MAML2: variants seen among roughly 807,000 people sequenced by gnomAD.
MAML2 encodes the protein mastermind like transcriptional coactivator 2.
In MAML2, 22 loss-of-function variants were observed where a neutral mutation model predicts 96.1. The observed-to-expected ratio is 0.23, with a 90% CI of 0.16 to 0.33. The LOEUF (loss-of-function observed/expected upper bound fraction) is 0.33, where lower values mean the gene tolerates loss of function less well. MAML2 is among the 10% of genes least tolerant of loss of function. The pLI, the probability that MAML2 is intolerant of heterozygous loss-of-function variation, is 1.00. For synonymous variants in MAML2, 561 were observed against 521.3 expected, an observed-to-expected ratio of 1.08 and a Z score of -1.04; for missense variants, 1,367 against 1,392.4, an observed-to-expected ratio of 0.98 and a Z score of 0.29.
chr11:96,334,297 CT>C (rs1863889844), intron 1 of MAML2, among the ~76,000 whole-genome samples: 1 of 152,200 alleles, frequency 6.6e-6, no homozygotes, highest in African/African-American at 2.4e-5. Context: ...ACTTCACACA[CT>C]AATAATAACA....
At chr11:96,014,338 G>T (rs1230795335) in intron 2 of MAML2, among the ~76,000 whole-genome samples, 1 of 152,056 alleles carries the variant, frequency 6.6e-6, no homozygotes, top group Non-Finnish European at 1.5e-5. Flanking sequence ...CTCTCCACAG[G>T]GATCCTTGCG....
chr11:96,147,820 C>T (rs1939472), intron 1 of MAML2, among the ~76,000 whole-genome samples: 15,756 of 152,120 alleles, frequency 0.1, 920 homozygotes, highest in East Asian at 0.18. Context: ...GGGTATTGTT[C>T]GGAGCAAAGT....
At chr11:96,306,346 T>A (rs1863461592) in intron 1 of MAML2, among the ~76,000 whole-genome samples, 2 of 152,174 alleles carry the variant, frequency 1.3e-5, no homozygotes, top group South Asian at 2.1e-4. Context: ...CTAGGCAATG[T>A]CTACACAGCA....
chr11:96,101,417 G>A (rs1241095403), intron 1 of MAML2, among the ~76,000 whole-genome samples: 1 of 152,178 alleles, frequency 6.6e-6, no homozygotes, highest in Non-Finnish European at 1.5e-5. Context: ...AAAGGGAAGG[G>A]AACCAGTACA....
At position 95,979,594 on chromosome 11, in the gene MAML2, T is replaced by C. The variant is rs761744557; in HGVS notation, c.2825A>G (p.His942Arg). The C allele has an allele frequency of 1.9e-6, 3 of 1,613,842 alleles. No homozygotes were observed. Among genetic ancestry groups the C allele is most frequent in the East Asian group, 2.2e-5 (1 of 44,894 alleles). ...NSQQLRPNLT[H>R]SMASMPPQRT... ...CTGTGGTGGCATGCTTGCCATACTATGGGTTAAATTTGGTCTCAATTGTTG... is the reference window on the plus strand; with the variant it reads ...CTGTGGTGGCATGCTTGCCATACTACGGGTTAAATTTGGTCTCAATTGTTG... Residue 942 changes from histidine to arginine, a missense_variant, in exon 5 of 5, where the codon CAT (histidine) becomes CGT (arginine). Physicochemically the swap from His to Arg is conservative, Grantham distance 29 (BLOSUM62 0). Transcript: ENST00000524717.
At chr11:96,338,677 A>G (rs1863949765) in intron 1 of MAML2, among the ~76,000 whole-genome samples, 1 of 152,214 alleles carries the variant, frequency 6.6e-6, no homozygotes, top group African/African-American at 2.4e-5. Context: ...TAGATGATCA[A>G]TATTCTCTCC....
chr11:96,057,273 G>A (rs904241518), intron 2 of MAML2, among the ~76,000 whole-genome samples: 11 of 152,170 alleles, frequency 7.2e-5, no homozygotes, highest in South Asian at 4.2e-4. Flanking sequence ...AAGCCATTTC[G>A]TTCCTGATTT....
chr11:96,309,786 C>A (rs1689391331), intron 1 of MAML2, among the ~76,000 whole-genome samples: 1 of 151,892 alleles, frequency 6.6e-6, no homozygotes, highest in South Asian at 2.1e-4. Flanking sequence ...AGGTCCCGAC[C>A]TCTCCAGGCT....
At chr11:96,198,776 T>C (rs1016393801) in intron 1 of MAML2, among the ~76,000 whole-genome samples, 1 of 152,244 alleles carries the variant, frequency 6.6e-6, no homozygotes, top group Non-Finnish European at 1.5e-5. Flanking sequence ...CCCTTACTTT[T>C]GGCTGGTCAC....
At chr11:96,246,766 T>C (rs1056813766) in intron 1 of MAML2, among the ~76,000 whole-genome samples, 1 of 152,108 alleles carries the variant, frequency 6.6e-6, no homozygotes, top group Non-Finnish European at 1.5e-5. Context: ...TAGTTACCCA[T>C]GTTGACTGTT....
chr11:96,082,086 G>A (rs1859536727), intron 2 of MAML2, among the ~76,000 whole-genome samples: 1 of 152,034 alleles, frequency 6.6e-6, no homozygotes, highest in Non-Finnish European at 1.5e-5. Context: ...CAGGCACTGT[G>A]TTTGCCCTTG....
At chr11:96,296,156 C>T (rs965484923) in intron 1 of MAML2, among the ~76,000 whole-genome samples, 6 of 152,228 alleles carry the variant, frequency 3.9e-5, no homozygotes, top group Non-Finnish European at 5.9e-5. Flanking sequence ...CCTGCTTCAG[C>T]CTCCAAGTAG....
chr11:96,148,701 C>T (rs1411085772), intron 1 of MAML2, among the ~76,000 whole-genome samples: 7 of 144,348 alleles, frequency 4.8e-5, no homozygotes, highest in Non-Finnish European at 1.0e-4. Context: ...CACACACACA[C>T]ACACACATAA....
chr11:96,314,186 C>T (rs777435839), intron 1 of MAML2, among the ~76,000 whole-genome samples: 8 of 152,218 alleles, frequency 5.3e-5, no homozygotes, highest in Admixed American at 1.3e-4. Context: ...AACTTGAGCC[C>T]TGGGTGATGT....
chr11:96,219,850 T>C (rs1862107660), intron 1 of MAML2, among the ~76,000 whole-genome samples: 1 of 152,160 alleles, frequency 6.6e-6, no homozygotes, highest in East Asian at 1.9e-4. Flanking sequence ...GGTCTCGAAC[T>C]CCTGACCTTG....
At chr11:96,038,044 T>C (rs1182067621) in intron 2 of MAML2, among the ~76,000 whole-genome samples, 1 of 152,210 alleles carries the variant, frequency 6.6e-6, no homozygotes, top group Admixed American at 6.5e-5. Flanking sequence ...CTGGCATCTA[T>C]ATTTTACTCG....
intron 1 of MAML2, among the ~76,000 whole-genome samples, chr11:96,178,666 G>A (rs1861432364): frequency 1.3e-5 from 2 of 152,330 alleles, no homozygotes; most frequent in Non-Finnish European, 2.9e-5. Context: ...AAGCTTGATT[G>A]TGGAAAACAT....
At position 95,979,815 on chromosome 11, in the gene MAML2, C is replaced by T; in HGVS notation, c.2604G>A (p.Gly868=). 2 of 1,613,914 alleles carry T rather than the reference C, an allele frequency of 1.2e-6. No individual in the cohort carries two copies. The highest frequency in any genetic ancestry group is 2.2e-5 in the South Asian group (2 of 91,070). ...PSLSTAVQNM[G]MYGNLPCNQP... is the part of the protein sequence containing the mutation. ...GATTACAAGGCAGATTTCCATACATCCCCATATTCTGAACTGCTGTAGATA... is the reference window on the plus strand; with the variant it reads ...GATTACAAGGCAGATTTCCATACATTCCCATATTCTGAACTGCTGTAGATA... The change falls in exon 5 of 5, where the codon GGG becomes GGA. Residue 868 remains glycine (G), a synonymous_variant. Transcript: ENST00000524717.
chr11:96,198,224 A>G (rs1339720067), intron 1 of MAML2, among the ~76,000 whole-genome samples: 1 of 152,198 alleles, frequency 6.6e-6, no homozygotes, highest in Non-Finnish European at 1.5e-5. Context: ...CTTTGATGAC[A>G]GTGAGTTTGC....
Sources: gnomAD v4.1 joint callset for allele counts (sites outside exome capture counted in the v4.1 genomes callset) on GRCh38, gnomAD v4.1.1 for gene constraint, MANE v1.5 for transcripts, NCBI Gene and HGNC (gene_info 2026-07-23, HGNC 2026-07-21) for gene names.